The following FAM107A variants were observed in gnomAD, a reference collection of about 807,000 sequenced individuals.
FAM107A encodes actin-associated protein FAM107A.
FAM107A carries 19 observed loss-of-function variants against 13.7 expected under a neutral mutation model. The ratio of observed to expected loss-of-function variants is 1.38; its 90% CI spans 0.97 to 2.03. FAM107A has a LOEUF of 2.03. Ranked by LOEUF, FAM107A falls within the 30% of genes most tolerant of loss-of-function variation. The pLI is 0.00. For synonymous variants in FAM107A, 82 were observed against 74.5 expected (o/e 1.10, Z -0.52); for missense variants, 203 against 184.4 (o/e 1.10, Z -0.58).
At chr3:58,583,078 C>T (rs1229582175) in intron 1 of FAM107A, among the ~76,000 whole-genome samples, 8 of 152,104 alleles carry the variant, frequency 5.3e-5, no homozygotes, top group Admixed American at 1.3e-4. Flanking sequence ...GGATTACAGG[C>T]GTGAGCCACT....
chr3:58,574,624 A>G (rs1159745530), intron 1 of FAM107A, among the ~76,000 whole-genome samples: 1 of 152,236 alleles, frequency 6.6e-6, no homozygotes, highest in African/African-American at 2.4e-5. Context: ...CATGGGGTGG[A>G]GGCCACCAGT....
chr3:58,598,271 C>T (rs992643458), intron 1 of FAM107A, among the ~76,000 whole-genome samples: 1 of 152,194 alleles, frequency 6.6e-6, no homozygotes, highest in Non-Finnish European at 1.5e-5. Flanking sequence ...TTGGAGCAGG[C>T]GCCCAGCCCT....
chr3:58,580,280 TA>T (rs2065517466), upstream of FAM107A, among the ~76,000 whole-genome samples: 1 of 151,770 alleles, frequency 6.6e-6, no homozygotes, highest in South Asian at 2.1e-4. Flanking sequence ...TGGAGGCAAA[TA>T]CACTAATCTG....
chr3:58,606,164 C>T (rs990732987), intron 1 of FAM107A, among the ~76,000 whole-genome samples: 3 of 152,162 alleles, frequency 2.0e-5, no homozygotes, highest in Non-Finnish European at 2.9e-5. Context: ...GGTACAATCT[C>T]GGCTCACTAC....
intron 1 of FAM107A, among the ~76,000 whole-genome samples, chr3:58,614,800 AG>A (rs2065886572): frequency 7.0e-6 from 1 of 142,098 alleles, no homozygotes; most frequent in South Asian, 2.2e-4. Context: ...CCACCGCACC[AG>A]GACGATTCAA....
rs2063609013 is a variant in FAM107A at position 58,565,328 on chromosome 3, A to C, written c.*1260T>G. 6.6e-6 allele frequency: 1 copy of C among 151,966 alleles called. No homozygotes were observed. The highest frequency in any genetic ancestry group is 2.4e-5 in the African/African-American group (1 of 41,398). The allele number at this position is 151,966 out of a possible 1,614,324, so 9.4% of individuals were successfully genotyped here. On this transcript the variant is annotated 3_prime_UTR_variant, in exon 4 of 4. Transcript: ENST00000360997. The stretch of plus-strand genomic sequence containing the variant: ...GATTCAGACTCAAAGGGGCCAGTCC[A>C]TAAAGGTGGCAGTGGGGTCTTCAAA...
At chr3:58,616,866 C>T (rs1003651572) in intron 1 of FAM107A, among the ~76,000 whole-genome samples, 45 of 152,250 alleles carry the variant, frequency 3.0e-4, no homozygotes, top group African/African-American at 1.1e-3. Context: ...CTCCGCCTCC[C>T]GGGTTCAAGT....
At chr3:58,618,943 A>G (rs1400556928) in intron 1 of FAM107A, among the ~76,000 whole-genome samples, 4 of 152,220 alleles carry the variant, frequency 2.6e-5, no homozygotes, top group Non-Finnish European at 5.9e-5. Flanking sequence ...AGCAAAAGAA[A>G]GAAGAGAGAA....
At chr3:58,603,728 G>A (rs908068915) in intron 1 of FAM107A, among the ~76,000 whole-genome samples, 2 of 152,114 alleles carry the variant, frequency 1.3e-5, no homozygotes, top group African/African-American at 2.4e-5. Flanking sequence ...CTCTAAGTGA[G>A]GTACTTCCCA....
At chr3:58,587,321 G>A (rs1010154071), upstream of FAM107A, among the ~76,000 whole-genome samples, 2 of 152,194 alleles carry the variant, frequency 1.3e-5, no homozygotes, top group Admixed American at 6.5e-5. Flanking sequence ...GTTCTGAAGC[G>A]CCATACCTGG....
rs190892116 is a variant in FAM107A, at chr3:58,604,007, C to T, written c.-69-14738G>A. On this transcript the variant is annotated intron_variant, in intron 1 of 3. Transcript: ENST00000465970. This position sits in a 1 kb window ranked among gnomAD's most constrained non-coding sequence, Gnocchi z 4.1. ...TCACCAAAAGGAAAGAGGTTGAGGC[C>T]GTGGGTGGAAGCCCTCCCAATAGCC... Among the ~76,000 whole-genome samples the T allele has an allele frequency of 2.0e-4, 31 of 152,258 alleles. No individual in the cohort carries two copies. The highest frequency in any genetic ancestry group is 4.0e-4 in the Non-Finnish European group (27 of 68,020).
intron 1 of FAM107A, among the ~76,000 whole-genome samples, chr3:58,571,245 A>G (rs1485717903): frequency 1.3e-5 from 2 of 152,222 alleles, no homozygotes; most frequent in Non-Finnish European, 1.5e-5. Context: ...TGGCATTTCT[A>G]TGATGACCCA....
chr3:58,597,104 G>A (rs146585508), intron 1 of FAM107A, among the ~76,000 whole-genome samples: 5 of 152,298 alleles, frequency 3.3e-5, no homozygotes, highest in Admixed American at 6.5e-5. Context: ...TCCTGAGAAC[G>A]AACATTTGGA....
chr3:58,570,152 A>G (rs1243285971), intron 1 of FAM107A, among the ~76,000 whole-genome samples: 13 of 152,240 alleles, frequency 8.5e-5, no homozygotes, highest in Non-Finnish European at 1.5e-4. Context: ...GGGTTGACAC[A>G]TGCATATTTT....
chr3:58,575,649 T>C (rs1559477265), intron 1 of FAM107A, among the ~76,000 whole-genome samples: 2 of 152,224 alleles, frequency 1.3e-5, no homozygotes, highest in Non-Finnish European at 1.5e-5. Flanking sequence ...TTATGTCCCT[T>C]TTCTCTCTCT....
At chr3:58,625,929 C>T (rs1043585872) in intron 1 of FAM107A, among the ~76,000 whole-genome samples, 2 of 152,222 alleles carry the variant, frequency 1.3e-5, no homozygotes, top group African/African-American at 4.8e-5. Context: ...ATCAGAGTCC[C>T]ATGTTTATCG....
chr3:58,581,607 C>T (rs531038287), upstream of FAM107A, among the ~76,000 whole-genome samples: 4 of 151,274 alleles, frequency 2.6e-5, no homozygotes, highest in Admixed American at 6.6e-5. Context: ...CCGTGCCCCC[C>T]GCCTCTCAAA....
intron 1 of FAM107A, among the ~76,000 whole-genome samples, chr3:58,594,689 T>G (rs907205077): frequency 6.6e-6 from 1 of 152,218 alleles, no homozygotes; most frequent in Non-Finnish European, 1.5e-5. Flanking sequence ...AACACTTCAC[T>G]GTTGTTTTGT....
chr3:58,621,391 C>T (rs892859326), intron 1 of FAM107A, among the ~76,000 whole-genome samples: 16 of 152,124 alleles, frequency 1.1e-4, no homozygotes, highest in African/African-American at 3.9e-4. Context: ...TGGTTTAATG[C>T]TCTGCTGTTG....
Sources: gnomAD v4.1 joint callset for allele counts (sites outside exome capture counted in the v4.1 genomes callset) on GRCh38, gnomAD v4.1.1 for gene constraint, Gnocchi (gnomAD v3.1) non-coding constraint, MANE v1.5 for transcripts, NCBI Gene and HGNC (gene_info 2026-07-23, HGNC 2026-07-21) for gene names.